The following CYFIP2 variants were observed in gnomAD, a reference collection of about 807,000 sequenced individuals.
The protein encoded by CYFIP2 is cytoplasmic FMR1 interacting protein 2, also known as cytoplasmic FMR1-interacting protein 2.
Under a neutral mutation model 158.7 loss-of-function variants are expected in CYFIP2, and 29 were observed. The ratio of observed to expected loss-of-function variants is 0.18; its 90% confidence interval spans 0.14 to 0.25. The LOEUF is 0.25. Among genes scored for constraint, CYFIP2 ranks in the 10% least tolerant of loss-of-function variants. The pLI is 1.00. For missense variants in CYFIP2, 852 were observed against 1,639.5 expected (o/e 0.52, Z 8.29); for synonymous variants, 585 against 617.6 (o/e 0.95, Z 0.78).
rs541234775 is a variant in CYFIP2, at chr5:157,319,860, C to T, written c.1455C>T (p.Asp485=). The T allele has an allele frequency of 6.2e-7, 1 of 1,614,102 alleles. No homozygotes were observed. Among genetic ancestry groups the T allele is most frequent in the African/African-American group, 1.3e-5 (1 of 75,074 alleles). Residue 485 remains aspartate, a synonymous_variant, in exon 14 of 31, where the codon GAC becomes GAT. Coordinates refer to ENST00000620254, the MANE Select transcript of CYFIP2 (RefSeq NM_001037333.3). ...IRNTIYAALQ[D]FAQVTLREPL... ...ACACCATCTACGCGGCATTGCAGGA[C>T]TTCGCCCAGGTGACGCTGCGTGAGC...
intron 26 of CYFIP2, chr5:157,376,831 G>T (rs1396020329): frequency 2.2e-6 from 1 of 452,088 alleles, no homozygotes; most frequent in Non-Finnish European, 4.4e-6. Flanking sequence ...GATCTACTCT[G>T]CAGACTCTGC....
chr5:157,306,930 G>A (rs1291786786), intron 8 of CYFIP2, among the ~76,000 whole-genome samples: 1 of 149,228 alleles, frequency 6.7e-6, no homozygotes, highest in Non-Finnish European at 1.5e-5. Context: ...ACCCACAGAG[G>A]AAGCAACCTT....
chr5:157,310,598 A>G (rs574601958), intron 10 of CYFIP2, among the ~76,000 whole-genome samples: 3 of 152,356 alleles, frequency 2.0e-5, no homozygotes, highest in African/African-American at 4.8e-5. Flanking sequence ...GGGGTTTTGC[A>G]GGAAAAGCAG....
At chr5:157,278,767 A>G (rs1246594189) in intron 1 of CYFIP2, among the ~76,000 whole-genome samples, 1 of 152,226 alleles carries the variant, frequency 6.6e-6, no homozygotes, top group Non-Finnish European at 1.5e-5. Context: ...ATGTTAAACG[A>G]AAGTATGGGA....
chr5:157,379,906 TACTC>T (rs1765884815), intron 26 of CYFIP2: 1 of 152,166 alleles, frequency 6.6e-6, no homozygotes, highest in South Asian at 2.1e-4. Context: ...GTTTCATTAT[TACTC>T]AAATCAGTCT....
At chr5:157,273,227 T>G (rs184214162) in intron 1 of CYFIP2, among the ~76,000 whole-genome samples, 1 of 152,262 alleles carries the variant, frequency 6.6e-6, no homozygotes, top group African/African-American at 2.4e-5. Flanking sequence ...CCTTGTCTTC[T>G]CAGGAAGTGC....
rs767389390 is a variant in CYFIP2, at chr5:157,302,901, A to G, written c.666+11A>G. The G allele has an allele frequency of 6.4e-7, 1 of 1,560,810 alleles. No individual in the cohort carries two copies. Among genetic ancestry groups the G allele is most frequent in the Non-Finnish European group, 8.7e-7 (1 of 1,152,080 alleles). On this transcript the variant is annotated intron_variant, in intron 7 of 30. Transcript: ENST00000620254. ...AACAGGATCACCCAGGTGAGGGCAG[A>G]CTCCTTGTTAGGCCTGGCCTGATGT...
At chr5:157,306,110 A>G (rs1383410672) in intron 8 of CYFIP2, among the ~76,000 whole-genome samples, 4 of 151,894 alleles carry the variant, frequency 2.6e-5, no homozygotes, top group South Asian at 2.1e-4. Flanking sequence ...CCAGATCCTC[A>G]CCTCTCAATG....
chr5:157,343,643 A>T, intron 23 of CYFIP2: 4 of 940,864 alleles, frequency 4.3e-6, no homozygotes, highest in Non-Finnish European at 6.2e-6. Flanking sequence ...ACGGGCACTC[A>T]TGTTGCCCTC....
chr5:157,332,567 G>A (rs1392892615), intron 20 of CYFIP2, among the ~76,000 whole-genome samples: 4 of 152,170 alleles, frequency 2.6e-5, no homozygotes, highest in East Asian at 1.9e-4. Flanking sequence ...GTTCCCATTC[G>A]TCCCAGTTAT....
intron 13 of CYFIP2, 52 bp from the exon 14 acceptor site, chr5:157,319,710 C>G: frequency 6.3e-7 from 1 of 1,598,488 alleles, no homozygotes; most frequent in Non-Finnish European, 8.5e-7. Context: ...GGGTAGTAGA[C>G]AGCTGGTGTG....
Position 157,266,551 on chromosome 5 carries a change from G to GGGAGCC in CYFIP2, c.-24+356_-24+357insGGAGCC, listed in dbSNP as rs1755617525. On this transcript the variant is annotated intron_variant, in intron 1 of 30. Coordinates refer to ENST00000620254, the MANE Select transcript of CYFIP2 (RefSeq NM_001037333.3). This position sits in a 1 kb window ranked among gnomAD's most constrained non-coding sequence, Gnocchi z 4.2. ...GGGACCGGAGACACCTGCAGCGGCCGCGAGCCCGGCAGCGGCGACATCCTC... is the reference window on the plus strand; with the variant it reads ...GGGACCGGAGACACCTGCAGCGGCCGGGAGCCCGAGCCCGGCAGCGGCGACATCCTC... The GGGAGCC allele has an allele frequency of 1.3e-5, 2 of 152,404 alleles. No individual in the cohort carries two copies. Among genetic ancestry groups the GGGAGCC allele is most frequent in the Non-Finnish European group, 2.9e-5 (2 of 68,238 alleles). The allele number at this position is 152,404 out of a possible 1,614,324, so 9.4% of individuals were successfully genotyped here.
chr5:157,341,276 C>A, intron 23 of CYFIP2, 119 bp downstream of exon 23: 1 of 880,722 alleles, frequency 1.1e-6, no homozygotes, highest in Non-Finnish European at 1.8e-6. Flanking sequence ...TGAGGTCAGG[C>A]ACAGTGGCTC....
chr5:157,365,978 C>T (rs1764332521), intron 26 of CYFIP2, among the ~76,000 whole-genome samples: 1 of 151,694 alleles, frequency 6.6e-6, no homozygotes, highest in Non-Finnish European at 1.5e-5. Context: ...TATTCTTGTA[C>T]ATGTGTTTTG....
Position 157,361,296 on chromosome 5 carries a change from C to A in CYFIP2, c.2909-172C>A. 2.8e-6 allele frequency: 2 copies of A among 708,208 alleles called. No homozygotes were observed. Among genetic ancestry groups the A allele is most frequent in the Non-Finnish European group, 4.6e-6 (2 of 435,774 alleles). 43.9% of individuals were successfully genotyped at this position (708,208 alleles called of 1,614,324 possible). On this transcript the variant is annotated intron_variant, in intron 25 of 30. Transcript: ENST00000620254. This position sits in a 1 kb window ranked among gnomAD's most constrained non-coding sequence, Gnocchi z 4.4. ...ATGAGCCAGCTACTCGAACTTTGTC[C>A]AGTACTGAGCCCTGAAAGAAATCTC...
intron 17 of CYFIP2, chr5:157,325,867 CA>C (rs1391832513): frequency 3.7e-6 from 2 of 547,848 alleles, no homozygotes; most frequent in Middle Eastern, 4.7e-4. Flanking sequence ...AGCCTCATAA[CA>C]GCTATGCTCA....
Position 157,361,673 on chromosome 5 carries a change from T to A in CYFIP2, c.3039+75T>A, listed in dbSNP as rs1377445436. 1.9e-6 allele frequency: 3 copies of A among 1,570,408 alleles called. No homozygotes were observed. Among genetic ancestry groups the A allele is most frequent in the Non-Finnish European group, 2.6e-6 (3 of 1,149,460 alleles). ...GCCAACCCCAAGCAGATATTGAGGC[T>A]CCTGCAGCATTGATTTGTGCTTTGA... is the stretch of plus-strand genomic sequence containing the variant. On this transcript the variant is annotated intron_variant, in intron 26 of 30. Coordinates refer to ENST00000620254, the MANE Select transcript of CYFIP2 (RefSeq NM_001037333.3). The surrounding 1 kb of genome is among the most constrained non-coding windows in gnomAD (Gnocchi z 4.4).
chr5:157,349,029 C>G (rs1762889371), intron 23 of CYFIP2, among the ~76,000 whole-genome samples: 1 of 152,064 alleles, frequency 6.6e-6, no homozygotes, highest in Admixed American at 6.5e-5. Context: ...AATCCACCCA[C>G]CTTGGCCTCC....
chr5:157,393,165 T>C lies in CYFIP2; in HGVS notation c.*165T>C. 1 of 597,896 alleles carries C rather than the reference T, an allele frequency of 1.7e-6. No homozygotes were observed. The allele number at this position is 597,896 out of a possible 1,614,324, so 37.0% of individuals were successfully genotyped here. A position where few individuals can be genotyped will look rare whatever the true frequency, so the allele number is the denominator to read the frequency against. On this transcript the variant is annotated 3_prime_UTR_variant, in exon 31 of 31. Transcript: ENST00000620254. ...TCCCTAGGGCGGGGCCTGTGCATGC[T>C]CTCCCATGACATCTCCATGCTGGTT...
Sources: gnomAD v4.1 joint callset for allele counts (sites outside exome capture counted in the v4.1 genomes callset) on GRCh38, gnomAD v4.1.1 for gene constraint, Gnocchi (gnomAD v3.1) non-coding constraint, MANE v1.5 for transcripts, NCBI Gene and HGNC (gene_info 2026-07-23, HGNC 2026-07-21) for gene names.